The following SRBD1 variants were observed in gnomAD, a reference collection of about 807,000 sequenced individuals.
The protein encoded by SRBD1 is S1 RNA binding domain 1.
In SRBD1, 88 loss-of-function variants were observed where a neutral mutation model predicts 115.3. The observed-to-expected ratio is 0.76, with a 90% CI of 0.64 to 0.91. SRBD1 has a LOEUF of 0.91. SRBD1 is among the 40% of genes least tolerant of loss of function. SRBD1 has a pLI of 0.00. For synonymous variants in SRBD1, 509 were observed against 407.7 expected (o/e 1.25, Z -2.99); for missense variants, 1,385 against 1,177.4 (o/e 1.18, Z -2.58).
intron 4 of SRBD1, among the ~76,000 whole-genome samples, chr2:45,589,634 T>C (rs1240090601): frequency 6.6e-6 from 1 of 152,210 alleles, no homozygotes; most frequent in Non-Finnish European, 1.5e-5. Flanking sequence ...AACAAATCCA[T>C]ATGGCATCAT....
intron 10 of SRBD1, among the ~76,000 whole-genome samples, chr2:45,559,601 G>C (rs1672596273): frequency 6.6e-6 from 1 of 151,878 alleles, no homozygotes; most frequent in South Asian, 2.1e-4. Flanking sequence ...GAATGGATAA[G>C]TACATACAGA....
At chr2:45,602,419 A>G (rs1264079386) in intron 2 of SRBD1, among the ~76,000 whole-genome samples, 1 of 152,242 alleles carries the variant, frequency 6.6e-6, no homozygotes, top group Non-Finnish European at 1.5e-5. Flanking sequence ...ACTATAGTCA[A>G]TGTGAGCTTT....
chr2:45,572,130 G>C (rs996014114), intron 9 of SRBD1, among the ~76,000 whole-genome samples: 1 of 152,128 alleles, frequency 6.6e-6, no homozygotes, highest in Non-Finnish European at 1.5e-5. Context: ...AATGCAGCAA[G>C]AGAGAAGAGA....
intron 16 of SRBD1, among the ~76,000 whole-genome samples, chr2:45,457,884 G>C (rs1429882451): frequency 6.6e-6 from 1 of 151,860 alleles, no homozygotes; most frequent in Non-Finnish European, 1.5e-5. Context: ...CAAACACAAT[G>C]CAAATGAGAA....
chr2:45,589,158 T>C (rs1673637817), intron 4 of SRBD1, among the ~76,000 whole-genome samples: 1 of 152,144 alleles, frequency 6.6e-6, no homozygotes, highest in Non-Finnish European at 1.5e-5. Context: ...AAAATACAAA[T>C]ATAATCAAGC....
chr2:45,461,606 C>G (rs995823435), intron 16 of SRBD1, among the ~76,000 whole-genome samples: 11 of 152,218 alleles, frequency 7.2e-5, no homozygotes, highest in African/African-American at 2.4e-4. Context: ...CACATCCCCA[C>G]CTTCTCCCAT....
At chr2:45,482,856 C>A (rs1572689435) in intron 15 of SRBD1, among the ~76,000 whole-genome samples, 1 of 152,038 alleles carries the variant, frequency 6.6e-6, no homozygotes, top group East Asian at 1.9e-4. Flanking sequence ...CCTACACATA[C>A]CCTGCCATTT....
intron 14 of SRBD1, among the ~76,000 whole-genome samples, chr2:45,518,953 A>G (rs2103948476): frequency 6.7e-6 from 1 of 149,012 alleles, no homozygotes; most frequent in Non-Finnish European, 1.5e-5. Flanking sequence ...GCTCCTAAGA[A>G]CGAATAAGGC....
At chr2:45,607,998 A>C (rs991401800) in intron 1 of SRBD1, among the ~76,000 whole-genome samples, 2 of 152,248 alleles carry the variant, frequency 1.3e-5, no homozygotes, top group Non-Finnish European at 2.9e-5. Context: ...CAACCCACCC[A>C]GATCACCTTA....
chr2:45,429,024 C>T (rs76265098), intron 16 of SRBD1, among the ~76,000 whole-genome samples: 3,407 of 152,198 alleles, frequency 0.022, 131 homozygotes, highest in African/African-American at 0.077. Flanking sequence ...AACACCTTTA[C>T]GCAAATAAAC....
chr2:45,389,337 A>C lies in SRBD1; in HGVS notation c.2961T>G (p.Ile987Met). 1 of 1,614,024 alleles carries C rather than the reference A, an allele frequency of 6.2e-7. No homozygotes were observed. The highest frequency in any genetic ancestry group is 8.5e-7 in the Non-Finnish European group (1 of 1,179,920). ...VLNIDIPRSR[I>M]TLDLIRVL ...ATAACACCCGAATGAGGTCCAGAGT[A>C]ATCCTAGATCGGGGGATGTCAATGT... is the stretch of plus-strand genomic sequence containing the variant. Residue 987 changes from isoleucine to methionine, a missense_variant, in exon 21 of 21, where the codon ATT (isoleucine) becomes ATG (methionine). Transcript: ENST00000263736.
chr2:45,537,087 A>G (rs1671785414), intron 14 of SRBD1, among the ~76,000 whole-genome samples: 1 of 152,186 alleles, frequency 6.6e-6, no homozygotes, highest in Admixed American at 6.5e-5. Flanking sequence ...TGGACTTCAC[A>G]TTTCACCAAT....
chr2:45,471,615 C>G (rs934431529), intron 16 of SRBD1, among the ~76,000 whole-genome samples: 1 of 152,104 alleles, frequency 6.6e-6, no homozygotes, highest in African/African-American at 2.4e-5. Context: ...ATTTAGACTT[C>G]TACCAGCAGT....
rs1301751434 is a variant in SRBD1 at position 45,573,343 on chromosome 2, C to G, written c.1170-1G>C. 1 of 1,606,416 alleles carries G rather than the reference C, an allele frequency of 6.2e-7. No individual in the cohort carries two copies. Among genetic ancestry groups the G allele is most frequent in the Non-Finnish European group, 8.5e-7 (1 of 1,177,630 alleles). ...GATACAAACATGTCTCTTCTGGCACCTGTTCAGATACACAAGTGTTCAAAA... is the reference window on the plus strand; with the variant it reads ...GATACAAACATGTCTCTTCTGGCACGTGTTCAGATACACAAGTGTTCAAAA... On this transcript the variant is annotated splice_acceptor_variant, in intron 8 of 20. Coordinates refer to ENST00000263736, the MANE Select transcript of SRBD1 (RefSeq NM_018079.5). LOFTEE classifies it high-confidence loss of function.
At chr2:45,436,965 A>G (rs1668516883) in intron 16 of SRBD1, among the ~76,000 whole-genome samples, 1 of 152,240 alleles carries the variant, frequency 6.6e-6, no homozygotes, top group Non-Finnish European at 1.5e-5. Context: ...CTGTTTTCCT[A>G]TATGCCAGCA....
intron 9 of SRBD1, 136 bp from the exon 10 acceptor site, chr2:45,562,892 T>C: frequency 1.8e-6 from 1 of 543,840 alleles, no homozygotes; most frequent in Non-Finnish European, 3.2e-6. Context: ...ATCATTTACT[T>C]ACACTTTTTT....
At chr2:45,522,129 G>A (rs895239288) in intron 14 of SRBD1, among the ~76,000 whole-genome samples, 3 of 151,802 alleles carry the variant, frequency 2.0e-5, no homozygotes, top group Admixed American at 6.6e-5. Flanking sequence ...ACAAAATATC[G>A]TATAGATTGA....
Position 45,393,119 on chromosome 2 carries a change from A to T in SRBD1, c.2524T>A (p.Ser842Thr), listed in dbSNP as rs1182590239. 6.2e-7 allele frequency: 1 copy of T among 1,603,196 alleles called. No individual in the cohort carries two copies. Among genetic ancestry groups the T allele is most frequent in the African/African-American group, 1.3e-5 (1 of 74,172 alleles). ...SYDIAMRFLS[S>T]IGGTLYEVGK... ...ACCTCATACAGTGTCCCTCCAATGG[A>T]TGACAAAAACCTGCAGTGGAAAAAA... The change falls in exon 20 of 21, where the codon TCC becomes ACC. Residue 842 changes from serine (S) to threonine (T), a missense_variant. By Grantham distance (58) the Ser-to-Thr change is moderately conservative (BLOSUM62 1). Transcript: ENST00000263736.
chr2:45,404,118 T>G (rs779404797), intron 19 of SRBD1, among the ~76,000 whole-genome samples: 3 of 152,108 alleles, frequency 2.0e-5, no homozygotes, highest in Non-Finnish European at 4.4e-5. Context: ...AGGAGAAAGA[T>G]CTCATTTCCA....
Sources: gnomAD v4.1 joint callset for allele counts (sites outside exome capture counted in the v4.1 genomes callset) on GRCh38, gnomAD v4.1.1 for gene constraint, MANE v1.5 for transcripts, NCBI Gene and HGNC (gene_info 2026-07-23, HGNC 2026-07-21) for gene names.